The following GPM6A variants were observed in gnomAD, a reference collection of about 807,000 sequenced individuals.
GPM6A encodes the protein glycoprotein M6A, also known as neuronal membrane glycoprotein M6-a.
A neutral mutation model predicts 32.1 loss-of-function variants in GPM6A; 7 were observed. The observed-to-expected ratio is 0.22, with a 90% confidence interval of 0.12 to 0.41. The LOEUF (loss-of-function observed/expected upper bound fraction) is 0.41, where lower values mean the gene tolerates loss of function less well. Among genes scored for constraint, GPM6A ranks in the 10% least tolerant of loss-of-function variants. The pLI is 1.00. For synonymous variants in GPM6A, 130 were observed against 123.4 expected (o/e 1.05, Z -0.35); for missense variants, 235 against 347.2 (o/e 0.68, Z 2.57).
At chr4:175,658,026 G>GTCA (rs1214964862) in intron 3 of GPM6A, among the ~76,000 whole-genome samples, 2 of 152,056 alleles carry the variant, frequency 1.3e-5, no homozygotes, top group South Asian at 2.1e-4. Context: ...AAAATATGCA[G>GTCA]TCATCATCAT....
At chr4:175,934,010 C>T (rs1233995219) in intron 1 of GPM6A, among the ~76,000 whole-genome samples, 2 of 152,084 alleles carry the variant, frequency 1.3e-5, no homozygotes, top group African/African-American at 4.8e-5. Context: ...AAGCTTTATG[C>T]GGAGTAAAAG....
intron 1 of GPM6A, among the ~76,000 whole-genome samples, chr4:175,905,809 G>A (rs1738113346): frequency 6.6e-6 from 1 of 152,104 alleles, no homozygotes; most frequent in Admixed American, 6.6e-5. Flanking sequence ...CGATGTTCAT[G>A]CTTTCCTTTA....
chr4:175,921,122 G>A (rs1028393693), intron 1 of GPM6A, among the ~76,000 whole-genome samples: 1 of 151,996 alleles, frequency 6.6e-6, no homozygotes, highest in Non-Finnish European at 1.5e-5. Context: ...ATTTCACACT[G>A]AAATCTTTAT....
chr4:175,640,700 T>TA (rs1177214026), intron 5 of GPM6A, 53 bp downstream of exon 5: 6 of 1,200,958 alleles, frequency 5.0e-6, no homozygotes, highest in Non-Finnish European at 7.4e-6. Flanking sequence ...ATCCAAATAA[T>TA]AAAAAATGAA....
intron 6 of GPM6A, among the ~76,000 whole-genome samples, chr4:175,638,398 A>G (rs1388418053): frequency 6.6e-6 from 1 of 152,024 alleles, no homozygotes; most frequent in African/African-American, 2.4e-5. Context: ...ATGACTCTAG[A>G]CAGAGAAAAT....
chr4:175,951,346 TGGAGA>T (rs1160895704), intron 1 of GPM6A, among the ~76,000 whole-genome samples: 1 of 152,126 alleles, frequency 6.6e-6, no homozygotes, highest in African/African-American at 2.4e-5. Flanking sequence ...GAAGTGAAGA[TGGAGA>T]TAAAACAGTA....
At chr4:175,690,064 A>T (rs888326350) in intron 2 of GPM6A, among the ~76,000 whole-genome samples, 40 of 152,180 alleles carry the variant, frequency 2.6e-4, no homozygotes, top group Admixed American at 4.6e-4. Flanking sequence ...AGTACTGCAA[A>T]CTCTTAAGGG....
chr4:175,678,255 G>T (rs1294536099), intron 2 of GPM6A, among the ~76,000 whole-genome samples: 1 of 152,056 alleles, frequency 6.6e-6, no homozygotes, highest in Non-Finnish European at 1.5e-5. Flanking sequence ...AGTGAAGAAG[G>T]GGTCATGGTG....
intron 1 of GPM6A, among the ~76,000 whole-genome samples, chr4:175,728,237 TGAAA>T (rs1482398222): frequency 1.3e-5 from 2 of 152,080 alleles, no homozygotes; most frequent in Admixed American, 6.6e-5. Flanking sequence ...GCCATTTTCC[TGAAA>T]GAATCAAAGA....
At chr4:175,740,946 T>C (rs1350187901) in intron 1 of GPM6A, among the ~76,000 whole-genome samples, 3 of 152,028 alleles carry the variant, frequency 2.0e-5, no homozygotes, top group Admixed American at 6.6e-5. Context: ...TTATCCTAGT[T>C]CTGGTGTTCA....
At chr4:175,729,487 C>A (rs1731320657) in intron 1 of GPM6A, among the ~76,000 whole-genome samples, 1 of 151,402 alleles carries the variant, frequency 6.6e-6, no homozygotes, top group Non-Finnish European at 1.5e-5. Flanking sequence ...CTCATGGATA[C>A]AAAAAAATAG....
At chr4:175,784,966 A>G (rs1733741816) in intron 1 of GPM6A, among the ~76,000 whole-genome samples, 1 of 152,180 alleles carries the variant, frequency 6.6e-6, no homozygotes, top group South Asian at 2.1e-4. Flanking sequence ...AAAGATCTCA[A>G]TTCATCCCCT....
At chr4:175,849,039 T>A (rs1342078977) in intron 1 of GPM6A, among the ~76,000 whole-genome samples, 2 of 152,220 alleles carry the variant, frequency 1.3e-5, no homozygotes, top group Non-Finnish European at 1.5e-5. Context: ...TATTTCTGCA[T>A]GTGAAATGTA....
chr4:175,856,440 C>T (rs980855886), intron 1 of GPM6A, among the ~76,000 whole-genome samples: 4 of 152,166 alleles, frequency 2.6e-5, no homozygotes, highest in Admixed American at 1.3e-4. Flanking sequence ...CCCATACCAG[C>T]GCGCAGCAGC....
At chr4:175,885,032 G>A (rs575137034) in intron 1 of GPM6A, among the ~76,000 whole-genome samples, 16 of 152,188 alleles carry the variant, frequency 1.1e-4, no homozygotes, top group African/African-American at 2.6e-4. Flanking sequence ...TAGCAATTCC[G>A]CTCTATAGGA....
intron 4 of GPM6A, among the ~76,000 whole-genome samples, chr4:175,642,614 TAC>T (rs1459265925): frequency 6.6e-6 from 1 of 152,210 alleles, no homozygotes; most frequent in Non-Finnish European, 1.5e-5. Context: ...TTCTAAAATC[TAC>T]AGTTTTCAGT....
intron 3 of GPM6A, among the ~76,000 whole-genome samples, chr4:175,671,303 C>CA (rs58918034): frequency 0.071 from 9,946 of 139,622 alleles, 369 homozygotes; most frequent in African/African-American, 0.099. Flanking sequence ...ATACTTGTTG[C>CA]AAAAAAAAAA....
intron 2 of GPM6A, among the ~76,000 whole-genome samples, chr4:175,681,119 G>A (rs527239289): frequency 3.8e-4 from 58 of 152,248 alleles, no homozygotes; most frequent in African/African-American, 1.3e-3. Context: ...AATTAGGATG[G>A]GAGGATTGTT....
At chr4:175,696,334 A>G in intron 2 of GPM6A, among the ~76,000 whole-genome samples, 1 of 152,198 alleles carries the variant, frequency 6.6e-6, no homozygotes, top group East Asian at 1.9e-4. Context: ...GACAATATGG[A>G]ACAAGCTCAG....
Sources: allele counts gnomAD v4.1 joint callset (sites outside exome capture counted in the v4.1 genomes callset), GRCh38; gene constraint gnomAD v4.1.1; transcripts MANE v1.5; gene names NCBI Gene and HGNC (gene_info 2026-07-23, HGNC 2026-07-21).